DNMBP: variants seen among roughly 807,000 people sequenced by gnomAD.
DNMBP encodes dynamin binding protein.
In DNMBP, 87 loss-of-function variants were observed where a neutral mutation model predicts 150.0. The observed-to-expected ratio is 0.58, with a 90% CI of 0.49 to 0.69. The LOEUF (loss-of-function observed/expected upper bound fraction) is 0.69, where lower values mean the gene tolerates loss of function less well. Ranked by LOEUF, DNMBP falls within the 30% of genes least tolerant of loss-of-function variation. DNMBP has a pLI of 0.00. For missense variants in DNMBP, 1,774 were observed against 1,949.0 expected (o/e 0.91, Z 1.69); for synonymous variants, 711 against 750.4 (o/e 0.95, Z 0.86).
intron 1 of DNMBP, among the ~76,000 whole-genome samples, chr10:99,974,142 T>C (rs898302491): frequency 4.0e-5 from 6 of 151,708 alleles, no homozygotes; most frequent in Non-Finnish European, 2.9e-5. Context: ...AAAAAAAAAG[T>C]TAGAAAAGTA....
intron 9 of DNMBP, 81 bp from the exon 10 acceptor site, chr10:99,896,478 C>T (rs757417163): frequency 3.5e-5 from 48 of 1,371,094 alleles, no homozygotes; most frequent in Admixed American, 1.0e-4. Context: ...AACACCCAAA[C>T]GGGAGCTAGT....
At chr10:99,983,968 A>G (rs777176434) in intron 1 of DNMBP, among the ~76,000 whole-genome samples, 1 of 152,188 alleles carries the variant, frequency 6.6e-6, no homozygotes, top group Non-Finnish European at 1.5e-5. Flanking sequence ...AAACCACCCG[A>G]ACACTTCTAT....
intron 16 of DNMBP, among the ~76,000 whole-genome samples, chr10:99,878,244 C>A (rs984039723): frequency 2.6e-5 from 4 of 152,204 alleles, no homozygotes; most frequent in African/African-American, 9.6e-5. Context: ...TCTTTAGATG[C>A]CACAAACAAA....
Position 99,969,337 on chromosome 10 carries a change from G to A in DNMBP, c.146-100C>T, listed in dbSNP as rs142365710. On this transcript the variant is annotated intron_variant, in intron 2 of 16. Transcript: ENST00000324109. The stretch of plus-strand genomic sequence containing the variant: ...TTTCTTCTGAGTCCATGTATAGACC[G>A]TAACTTGAAAACTCAGGGAATACTC... The A allele has an allele frequency of 1.8e-3, 2,324 of 1,256,928 alleles. 25 individuals are homozygous for A. The African/African-American group carries it at 0.027, about 15-fold the overall frequency. 77.9% of individuals were successfully genotyped at this position (1,256,928 alleles called of 1,614,324 possible). A position where few individuals can be genotyped will look rare whatever the true frequency, so the allele number is the denominator to read the frequency against.
chr10:99,877,889 C>T (rs1311946990), intron 16 of DNMBP, among the ~76,000 whole-genome samples: 1 of 152,062 alleles, frequency 6.6e-6, no homozygotes, highest in Non-Finnish European at 1.5e-5. Flanking sequence ...ATTTGGGAGG[C>T]TGAGGGCAGA....
At chr10:99,982,849 CG>C (rs2040792912) in intron 1 of DNMBP, among the ~76,000 whole-genome samples, 1 of 151,414 alleles carries the variant, frequency 6.6e-6, no homozygotes, top group Non-Finnish European at 1.5e-5. Flanking sequence ...CTACTCAGGG[CG>C]GGGGTATGGG....
chr10:99,969,413 A>G (rs913105347), intron 2 of DNMBP, among the ~76,000 whole-genome samples, 176 bp from the exon 3 acceptor site: 6 of 152,236 alleles, frequency 3.9e-5, no homozygotes, highest in African/African-American at 1.4e-4. Flanking sequence ...AACTAGATGC[A>G]TGCAGGACAG....
intron 11 of DNMBP, among the ~76,000 whole-genome samples, chr10:99,893,320 A>C (rs535899249): frequency 2.0e-4 from 30 of 152,368 alleles, no homozygotes; most frequent in African/African-American, 6.7e-4. Context: ...ATCCACAAGG[A>C]TATTCCTTGT....
At chr10:100,000,594 C>T (rs2133387763) in intron 1 of DNMBP, among the ~76,000 whole-genome samples, 1 of 152,208 alleles carries the variant, frequency 6.6e-6, no homozygotes, top group Non-Finnish European at 1.5e-5. Context: ...CCTGCTGAAC[C>T]TATGCATTGA....
At chr10:99,985,881 G>A (rs1270123060) in intron 1 of DNMBP, among the ~76,000 whole-genome samples, 1 of 152,164 alleles carries the variant, frequency 6.6e-6, no homozygotes, top group East Asian at 1.9e-4. Context: ...CTCCCATGTA[G>A]CTGGGACCAC....
At chr10:99,940,367 C>CAA (rs1327701335) in intron 4 of DNMBP, among the ~76,000 whole-genome samples, 2 of 152,090 alleles carry the variant, frequency 1.3e-5, no homozygotes, top group African/African-American at 4.8e-5. Flanking sequence ...TTTTCACCAT[C>CAA]AAACCTACCC....
At position 99,953,744 on chromosome 10, in the gene DNMBP, G is replaced by A. The variant is rs147766143; in HGVS notation, c.2260+1470C>T. Among the ~76,000 whole-genome samples the A allele has an allele frequency of 2.6e-3, 392 of 151,010 alleles. 1 individual carries two copies. The highest frequency in any genetic ancestry group is 4.6e-3 in the South Asian group (22 of 4,784). On this transcript the variant is annotated intron_variant, in intron 4 of 16. Coordinates refer to ENST00000324109, the MANE Select transcript of DNMBP (RefSeq NM_015221.4). Reference sequence around the variant, plus strand: ...CTGAGGCATGAGATCACTTGAACCCGGGAGGCACAGGTTGCAGTGAGCCAA... The same window carrying A: ...CTGAGGCATGAGATCACTTGAACCCAGGAGGCACAGGTTGCAGTGAGCCAA...
chr10:99,923,978 C>A (rs1224452220), intron 4 of DNMBP, among the ~76,000 whole-genome samples: 2 of 152,140 alleles, frequency 1.3e-5, no homozygotes, highest in Non-Finnish European at 2.9e-5. Flanking sequence ...CATGGTGAAA[C>A]CCCGTCCCTA....
chr10:99,897,076 G>A (rs1183237698), intron 9 of DNMBP, among the ~76,000 whole-genome samples: 1 of 152,202 alleles, frequency 6.6e-6, no homozygotes, highest in African/African-American at 2.4e-5. Flanking sequence ...AGAAGGCAGA[G>A]AAATGATTTT....
intron 1 of DNMBP, among the ~76,000 whole-genome samples, chr10:99,993,331 T>G (rs1243208823): frequency 6.6e-6 from 1 of 152,164 alleles, no homozygotes; most frequent in Non-Finnish European, 1.5e-5. Flanking sequence ...AAGTTTCTTT[T>G]GGGGGTAATG....
chr10:99,900,045 C>T lies in DNMBP; in HGVS notation c.2576G>A (p.Arg859Gln), dbSNP rs151092896. 72 of 1,613,950 alleles carry T rather than the reference C, an allele frequency of 4.5e-5. 1 individual carries two copies. In the Middle Eastern group the frequency reaches 9.9e-4, roughly 22 times the overall value. Residue 859 changes from arginine to glutamine, a missense_variant, in exon 7 of 17, where the codon CGG becomes CAG. Coordinates refer to ENST00000324109, the MANE Select transcript of DNMBP (RefSeq NM_015221.4). Reference sequence around the variant, plus strand: ...CTTGTATGTTCCCTCAAGCTCATCCCGGTGACCAAGAAACACAGGTCCTTT... The same window carrying T: ...CTTGTATGTTCCCTCAAGCTCATCCTGGTGACCAAGAAACACAGGTCCTTT... ...DAVGPVFLGH[R>Q]DELEGTYKIY...
chr10:99,968,617 G>A (rs1266725359), intron 3 of DNMBP, among the ~76,000 whole-genome samples: 4 of 151,566 alleles, frequency 2.6e-5, no homozygotes, highest in Non-Finnish European at 5.9e-5. Context: ...GAGCCTGGGA[G>A]GCAGAGGTTG....
intron 3 of DNMBP, among the ~76,000 whole-genome samples, chr10:99,960,294 A>C (rs2040550073): frequency 1.3e-5 from 2 of 152,204 alleles, no homozygotes; most frequent in Non-Finnish European, 2.9e-5. Flanking sequence ...TTAATCTTAC[A>C]GTTAAGATTA....
intron 6 of DNMBP, among the ~76,000 whole-genome samples, chr10:99,904,535 G>A (rs1358643534): frequency 6.6e-6 from 1 of 152,012 alleles, no homozygotes; most frequent in Non-Finnish European, 1.5e-5. Context: ...GACCTCATTT[G>A]TTCTTTGTGA....
Sources: gnomAD v4.1 joint callset for allele counts (sites outside exome capture counted in the v4.1 genomes callset) on GRCh38, gnomAD v4.1.1 for gene constraint, MANE v1.5 for transcripts, NCBI Gene and HGNC (gene_info 2026-07-23, HGNC 2026-07-21) for gene names.